Variants in PLCXD3 observed in about 807,000 individuals in gnomAD.
PLCXD3 encodes phosphatidylinositol specific phospholipase C X domain containing 3.
In PLCXD3, 19 loss-of-function variants were observed where a neutral mutation model predicts 25.5. The ratio of observed to expected loss-of-function variants is 0.75; its 90% CI spans 0.52 to 1.09. PLCXD3 has a LOEUF of 1.09. PLCXD3 is among the 50% of genes least tolerant of loss of function. PLCXD3 has a pLI of 0.00. For missense variants in PLCXD3, 411 were observed against 388.1 expected (o/e 1.06, Z -0.50); for synonymous variants, 174 against 137.6 (o/e 1.26, Z -1.85).
chr5:41,365,747 T>C (rs1744915692), intron 2 of PLCXD3, among the ~76,000 whole-genome samples: 4 of 152,154 alleles, frequency 2.6e-5, no homozygotes, highest in Admixed American at 2.6e-4. Flanking sequence ...ATTATATTAC[T>C]TTCTTCCCCA....
At position 41,307,071 on chromosome 5, in the gene PLCXD3, A is replaced by G. The variant is rs1460219593; in HGVS notation, c.*6546T>C. On this transcript the variant is annotated 3_prime_UTR_variant, in exon 3 of 3. Transcript: ENST00000377801. ...TTTTCTATACAGACTGTAGCCATGG[A>G]TTTTCTTTACACCACATTTATTAAA... The G allele has an allele frequency of 2.0e-5, 3 of 152,558 alleles. No homozygotes were observed. The highest frequency in any genetic ancestry group is 1.3e-4 in the Admixed American group (2 of 15,262). The allele number at this position is 152,558 out of a possible 1,614,324, so 9.5% of individuals were successfully genotyped here.
intron 1 of PLCXD3, chr5:41,456,450 T>C: frequency 1.7e-6 from 1 of 594,668 alleles, no homozygotes; most frequent in Non-Finnish European, 2.1e-6. Context: ...AAGAGATAAA[T>C]TCAGGATAGA....
chr5:41,368,082 A>G (rs1744989757), intron 2 of PLCXD3, among the ~76,000 whole-genome samples: 1 of 152,062 alleles, frequency 6.6e-6, no homozygotes, highest in Non-Finnish European at 1.5e-5. Flanking sequence ...TTGATTCTTT[A>G]TATCCATGAG....
chr5:41,331,981 T>A (rs908213897), intron 2 of PLCXD3, among the ~76,000 whole-genome samples: 27 of 152,120 alleles, frequency 1.8e-4, no homozygotes, highest in South Asian at 6.2e-4. Context: ...ACCTAAAACC[T>A]TAAAAACCCT....
intron 1 of PLCXD3, among the ~76,000 whole-genome samples, chr5:41,386,573 T>C (rs1211683556): frequency 6.6e-6 from 1 of 152,058 alleles, no homozygotes; most frequent in Non-Finnish European, 1.5e-5. Flanking sequence ...TTTAAAAATA[T>C]GTAATTAAGG....
chr5:41,413,665 A>G (rs1746619248), intron 1 of PLCXD3, among the ~76,000 whole-genome samples: 1 of 152,134 alleles, frequency 6.6e-6, no homozygotes, highest in Non-Finnish European at 1.5e-5. Context: ...TCTTGGTCAT[A>G]AAAGTGTTTC....
chr5:41,352,543 C>G (rs564200054), intron 2 of PLCXD3, among the ~76,000 whole-genome samples: 19 of 152,288 alleles, frequency 1.2e-4, no homozygotes, highest in Middle Eastern at 6.8e-3. Flanking sequence ...TTAGCCTAGT[C>G]TTACATCTCT....
chr5:41,396,514 A>G (rs1406419612), intron 1 of PLCXD3, among the ~76,000 whole-genome samples: 2 of 152,176 alleles, frequency 1.3e-5, no homozygotes, highest in Non-Finnish European at 2.9e-5. Context: ...GCAATGTGAG[A>G]ATGGACTAAT....
chr5:41,330,548 A>G (rs1215133071), intron 2 of PLCXD3, among the ~76,000 whole-genome samples: 1 of 152,176 alleles, frequency 6.6e-6, no homozygotes, highest in Non-Finnish European at 1.5e-5. Context: ...TCCTTCTGAA[A>G]CTATTCCAAT....
At chr5:41,316,019 C>A (rs1297820446) in intron 2 of PLCXD3, among the ~76,000 whole-genome samples, 5 of 152,300 alleles carry the variant, frequency 3.3e-5, no homozygotes, top group Middle Eastern at 6.8e-3. Context: ...ACTGAGACAT[C>A]AGCTTAGGTA....
intron 2 of PLCXD3, among the ~76,000 whole-genome samples, chr5:41,316,820 G>A (rs1343473444): frequency 1.3e-5 from 2 of 152,184 alleles, no homozygotes; most frequent in Non-Finnish European, 2.9e-5. Context: ...TGTGTTTTTA[G>A]TGCCAGTTCA....
At chr5:41,486,608 A>G in intron 1 of PLCXD3, among the ~76,000 whole-genome samples, 1 of 152,190 alleles carries the variant, frequency 6.6e-6, no homozygotes, top group East Asian at 1.9e-4. Flanking sequence ...AGAGTCTTCA[A>G]CTGAGGTGAG....
chr5:41,351,832 T>A (rs1744470339), intron 2 of PLCXD3, among the ~76,000 whole-genome samples: 2 of 152,256 alleles, frequency 1.3e-5, no homozygotes, highest in African/African-American at 4.8e-5. Flanking sequence ...GTTTAAATGC[T>A]AAGTCTAGCT....
At chr5:41,377,022 C>G (rs1745316369) in intron 2 of PLCXD3, among the ~76,000 whole-genome samples, 1 of 152,042 alleles carries the variant, frequency 6.6e-6, no homozygotes, top group South Asian at 2.1e-4. Flanking sequence ...TTATAAGACT[C>G]CATATCTGAG....
At chr5:41,428,413 C>T (rs1213692610) in intron 1 of PLCXD3, among the ~76,000 whole-genome samples, 1 of 135,794 alleles carries the variant, frequency 7.4e-6, no homozygotes, top group African/African-American at 2.7e-5. Context: ...AGGGTGGGCC[C>T]TAATCCAATC....
At chr5:41,383,050 G>A (rs1745521481) in intron 1 of PLCXD3, among the ~76,000 whole-genome samples, 3 of 152,076 alleles carry the variant, frequency 2.0e-5, no homozygotes, top group Admixed American at 2.0e-4. Context: ...AGGTCAAAGT[G>A]ATAGGGGAAA....
At chr5:41,414,376 AT>A (rs1483718611) in intron 1 of PLCXD3, among the ~76,000 whole-genome samples, 2 of 152,082 alleles carry the variant, frequency 1.3e-5, no homozygotes, top group African/African-American at 2.4e-5. Context: ...CTAATTTTGC[AT>A]TTTTAGTAGA....
intron 2 of PLCXD3, among the ~76,000 whole-genome samples, chr5:41,332,947 G>C (rs1314723925): frequency 1.3e-5 from 2 of 152,100 alleles, no homozygotes; most frequent in Non-Finnish European, 2.9e-5. Flanking sequence ...ACTGTTGTGG[G>C]GTGGGAGGAA....
In PLCXD3 at chr5:41,501,071, T is replaced by C. The variant is rs182198120; in HGVS notation, c.103+9353A>G. Among the ~76,000 whole-genome samples the C allele has an allele frequency of 2.2e-3, 342 of 152,104 alleles. 6 individuals carry two copies. The Middle Eastern group carries it at 0.041, about 18-fold the overall frequency. Reference sequence around the variant, plus strand: ...ATATAAAATAATGTGTTAGCAAGGATGTATAGAAATTGCAATTCTTGTACA... The same window carrying C: ...ATATAAAATAATGTGTTAGCAAGGACGTATAGAAATTGCAATTCTTGTACA... On this transcript the variant is annotated intron_variant, in intron 1 of 2. Coordinates refer to ENST00000377801, the MANE Select transcript of PLCXD3 (RefSeq NM_001005473.3).
Sources: gnomAD v4.1 joint callset for allele counts (sites outside exome capture counted in the v4.1 genomes callset) on GRCh38, gnomAD v4.1.1 for gene constraint, MANE v1.5 for transcripts, NCBI Gene and HGNC (gene_info 2026-07-23, HGNC 2026-07-21) for gene names.